OPCML: variants seen among roughly 807,000 people sequenced by gnomAD.
The protein encoded by OPCML is opioid-binding protein/cell adhesion molecule.
In OPCML, 13 loss-of-function variants were observed where a neutral mutation model predicts 37.8. The observed-to-expected ratio is 0.34, with a 90% CI of 0.22 to 0.55. OPCML has a LOEUF of 0.55. Ranked by LOEUF, OPCML falls within the 20% of genes least tolerant of loss-of-function variation. The probability of loss-of-function intolerance (pLI) is 0.91; values close to 1 mark genes in which losing one functional copy is unlikely to be tolerated. For missense variants in OPCML, 341 were observed against 435.6 expected (o/e 0.78, Z 1.93); for synonymous variants, 176 against 168.8 (o/e 1.04, Z -0.33).
chr11:133,144,086 G>A (rs185463355), intron 1 of OPCML, among the ~76,000 whole-genome samples: 1 of 152,236 alleles, frequency 6.6e-6, no homozygotes, highest in Non-Finnish European at 1.5e-5. Context: ...CTCTGAGAGA[G>A]GACGTTGAAG....
intron 1 of OPCML, among the ~76,000 whole-genome samples, chr11:133,114,984 A>G (rs1196870494): frequency 6.6e-6 from 1 of 152,170 alleles, no homozygotes; most frequent in Non-Finnish European, 1.5e-5. Context: ...ATCTGTTGGT[A>G]TTTTGTGCTT....
intron 3 of OPCML, among the ~76,000 whole-genome samples, chr11:132,555,319 C>T (rs142028371): frequency 0.011 from 1,657 of 152,166 alleles, 7 homozygotes; most frequent in Middle Eastern, 0.027. Flanking sequence ...AAAGGCACAT[C>T]TTACACGGCA....
chr11:132,685,796 T>C (rs1565774881), intron 2 of OPCML, among the ~76,000 whole-genome samples: 1 of 152,146 alleles, frequency 6.6e-6, no homozygotes, highest in Non-Finnish European at 1.5e-5. Flanking sequence ...TCCCACCTCG[T>C]TAAAGATGCA....
intron 1 of OPCML, among the ~76,000 whole-genome samples, chr11:133,278,600 G>GA (rs1427366666): frequency 2.0e-5 from 3 of 151,996 alleles, no homozygotes; most frequent in Admixed American, 1.3e-4. Flanking sequence ...AAGAGGAGGA[G>GA]ATTGAGATGA....
chr11:133,147,838 GT>G (rs1949919239), intron 1 of OPCML, among the ~76,000 whole-genome samples: 1 of 152,172 alleles, frequency 6.6e-6, no homozygotes, highest in South Asian at 2.1e-4. Flanking sequence ...TACTCAGCTA[GT>G]TCATAACCTC....
intron 2 of OPCML, among the ~76,000 whole-genome samples, chr11:132,923,027 T>C (rs1944861197): frequency 6.6e-6 from 1 of 151,706 alleles, no homozygotes; most frequent in East Asian, 1.9e-4. Context: ...TGGGCCACGA[T>C]TGCACCACTG....
At chr11:132,881,728 T>C (rs1196257648) in intron 2 of OPCML, among the ~76,000 whole-genome samples, 3 of 152,200 alleles carry the variant, frequency 2.0e-5, no homozygotes, top group African/African-American at 7.2e-5. Context: ...GCTGTTGTCT[T>C]TTCAAATCAG....
chr11:133,090,259 G>C (rs978915287), intron 1 of OPCML, among the ~76,000 whole-genome samples: 3 of 152,036 alleles, frequency 2.0e-5, no homozygotes, highest in African/African-American at 7.3e-5. Context: ...TTATATTTGG[G>C]GTGCTGCTGC....
At chr11:133,312,732 TAG>T (rs1943094534) in intron 1 of OPCML, among the ~76,000 whole-genome samples, 3 of 152,190 alleles carry the variant, frequency 2.0e-5, no homozygotes, top group South Asian at 2.1e-4. Flanking sequence ...AGCTAAAAAA[TAG>T]AGTTTTTTAA....
chr11:132,513,529 CA>C (rs1055125194), intron 4 of OPCML, among the ~76,000 whole-genome samples: 5 of 152,146 alleles, frequency 3.3e-5, no homozygotes, highest in Non-Finnish European at 7.4e-5. Flanking sequence ...TGGATTACAA[CA>C]AGTTCATACT....
At position 133,173,397 on chromosome 11, in the gene OPCML, TG is replaced by T. The variant is rs1950314396; in HGVS notation, c.62-230388del. On this transcript the variant is annotated intron_variant, in intron 1 of 7. Transcript: ENST00000524381. The surrounding 1 kb of genome is among the most constrained non-coding windows in gnomAD (Gnocchi z 7.8). Reference sequence around the variant, plus strand: ...ATCGATAGGAGTACAGATCCCAGTATGTTGCACACTGTAAGAACTTAAAAGA... The same window carrying T: ...ATCGATAGGAGTACAGATCCCAGTATTTGCACACTGTAAGAACTTAAAAGA... Among the ~76,000 whole-genome samples the T allele has an allele frequency of 6.6e-6, 1 of 152,222 alleles. No homozygotes were observed. Among genetic ancestry groups the T allele is most frequent in the African/African-American group, 2.4e-5 (1 of 41,458 alleles).
At chr11:133,358,810 C>T (rs575529306) in intron 1 of OPCML, among the ~76,000 whole-genome samples, 11 of 152,168 alleles carry the variant, frequency 7.2e-5, no homozygotes, top group South Asian at 4.2e-4. Context: ...GGGGGGAAGG[C>T]GTGTTCCTTC....
At chr11:132,852,065 G>A (rs1941833484) in intron 2 of OPCML, among the ~76,000 whole-genome samples, 1 of 152,122 alleles carries the variant, frequency 6.6e-6, no homozygotes, top group African/African-American at 2.4e-5. Context: ...CTAGAGCAGG[G>A]GAAATAAACA....
intron 1 of OPCML, among the ~76,000 whole-genome samples, chr11:132,959,771 G>T (rs926582281): frequency 6.6e-6 from 1 of 152,180 alleles, no homozygotes; most frequent in African/African-American, 2.4e-5. Context: ...AAAGGAAATT[G>T]GAAAGAGAGA....
chr11:133,030,321 C>T (rs1349529819), intron 1 of OPCML, among the ~76,000 whole-genome samples: 3 of 152,300 alleles, frequency 2.0e-5, no homozygotes, highest in East Asian at 1.9e-4. Context: ...GTATGCCTCA[C>T]GTCTCCTGCC....
At chr11:132,833,216 A>C (rs549401519) in intron 2 of OPCML, among the ~76,000 whole-genome samples, 22 of 152,324 alleles carry the variant, frequency 1.4e-4, no homozygotes, top group Non-Finnish European at 2.9e-4. Flanking sequence ...ACAGCTGTAC[A>C]TATATTTCCT....
chr11:133,014,831 T>G (rs532521369), intron 1 of OPCML, among the ~76,000 whole-genome samples: 1 of 152,342 alleles, frequency 6.6e-6, no homozygotes, highest in East Asian at 1.9e-4. Context: ...TCAAGCCCTC[T>G]CTCTCTTCTC....
In OPCML at chr11:132,755,587, T is replaced by G. The variant is rs929930396; in HGVS notation, c.147-98268A>C. On this transcript the variant is annotated intron_variant, in intron 2 of 7. Coordinates refer to ENST00000524381, the MANE Select transcript of OPCML (RefSeq NM_001012393.5). ...CCTATAAAATTATGACCTTAATATA[T>G]TCTAAGTGAAAAAATAATTTGTGTG... Among the ~76,000 whole-genome samples the G allele has an allele frequency of 3.9e-5, 6 of 152,214 alleles. No homozygotes were observed. In the East Asian group the frequency reaches 9.6e-4, roughly 24 times the overall value.
intron 1 of OPCML, among the ~76,000 whole-genome samples, chr11:133,444,107 C>T (rs1306997285): frequency 6.6e-6 from 1 of 152,074 alleles, no homozygotes; most frequent in Non-Finnish European, 1.5e-5. Context: ...GGAGACACGG[C>T]CTTTTCTAAA....
Sources: allele counts gnomAD v4.1 joint callset (sites outside exome capture counted in the v4.1 genomes callset), GRCh38; gene constraint gnomAD v4.1.1; non-coding constraint Gnocchi (gnomAD v3.1); transcripts MANE v1.5; gene names NCBI Gene and HGNC (gene_info 2026-07-23, HGNC 2026-07-21).